The following ANKRD31 variants were observed in gnomAD, a reference collection of about 807,000 sequenced individuals.
ANKRD31 encodes ankyrin repeat domain-containing protein 31.
Under a neutral mutation model 186.0 loss-of-function variants are expected in ANKRD31, and 147 were observed. The observed-to-expected ratio is 0.79, with a 90% CI of 0.69 to 0.91. The LOEUF (loss-of-function observed/expected upper bound fraction) is 0.91. Among genes scored for constraint, ANKRD31 ranks in the 40% least tolerant of loss-of-function variants. The pLI is 0.00. For synonymous variants in ANKRD31, 673 were observed against 736.4 expected (o/e 0.91, Z 1.39); for missense variants, 1,986 against 2,148.8 (o/e 0.92, Z 1.50).
intron 3 of ANKRD31, among the ~76,000 whole-genome samples, chr5:75,220,369 G>A (rs1265609580): frequency 2.6e-5 from 4 of 152,088 alleles, no homozygotes; most frequent in Admixed American, 1.3e-4. Context: ...GGCCGGGAAC[G>A]GTGGCTCACA....
At chr5:75,127,747 T>C (rs1434935916) in intron 17 of ANKRD31, among the ~76,000 whole-genome samples, 5 of 152,224 alleles carry the variant, frequency 3.3e-5, no homozygotes, top group South Asian at 2.1e-4. Context: ...AAATACTGAG[T>C]CTTCTAGGCC....
chr5:75,175,387 A>T (rs1450812139), intron 10 of ANKRD31, among the ~76,000 whole-genome samples: 1 of 152,210 alleles, frequency 6.6e-6, no homozygotes, highest in Non-Finnish European at 1.5e-5. Flanking sequence ...TATTAAAAAA[A>T]GAATAGACTC....
chr5:75,168,382 G>A (rs1753074227), intron 11 of ANKRD31, among the ~76,000 whole-genome samples: 1 of 151,926 alleles, frequency 6.6e-6, no homozygotes, highest in Non-Finnish European at 1.5e-5. Context: ...GTTGTCCCAG[G>A]GCCAGAAAAA....
At chr5:75,155,566 C>A (rs958639765) in intron 11 of ANKRD31, among the ~76,000 whole-genome samples, 4 of 151,762 alleles carry the variant, frequency 2.6e-5, no homozygotes, top group Non-Finnish European at 4.4e-5. Flanking sequence ...TAGTATCTTA[C>A]GTGAAGTAAA....
At chr5:75,232,951 G>A (rs4627970) in intron 1 of ANKRD31, among the ~76,000 whole-genome samples, 77,323 of 151,978 alleles carry the variant, frequency 0.51, 22,713 homozygotes, top group African/African-American at 0.82. Flanking sequence ...AATAATTCTT[G>A]TCTTCCTTTA....
intron 22 of ANKRD31, among the ~76,000 whole-genome samples, chr5:75,091,968 C>T (rs543940175): frequency 2.0e-5 from 3 of 152,152 alleles, no homozygotes; most frequent in East Asian, 1.9e-4. Context: ...GAGAGGCAAA[C>T]GGAAAACACA....
At chr5:75,174,843 T>C (rs1374860621) in intron 10 of ANKRD31, among the ~76,000 whole-genome samples, 1 of 152,156 alleles carries the variant, frequency 6.6e-6, no homozygotes, top group African/African-American at 2.4e-5. Flanking sequence ...GATCTAGAAC[T>C]AGAAATACCA....
At chr5:75,195,584 G>T in intron 7 of ANKRD31, 47 bp downstream of exon 7, 1 of 1,418,036 alleles carries the variant, frequency 7.1e-7, no homozygotes, top group South Asian at 1.4e-5. Context: ...AGCTAACTTG[G>T]AACCATGTTC....
intron 10 of ANKRD31, among the ~76,000 whole-genome samples, chr5:75,186,605 A>C (rs1241014138): frequency 6.6e-6 from 1 of 152,144 alleles, no homozygotes; most frequent in African/African-American, 2.4e-5. Flanking sequence ...TTTTGGCAAA[A>C]ATTTAAAATG....
chr5:75,104,491 C>T lies in ANKRD31; in HGVS notation c.5068G>A (p.Glu1690Lys). Reference protein sequence around the residue: ...SSQQSPTGASESLAHQGIAVL... With the variant: ...SSQQSPTGASKSLAHQGIAVL... ...GCAATCCCTTGATGTGCCAGAGATT[C>T]TGATGCCCCTGTAGGTGATTGCTGG... is the stretch of plus-strand genomic sequence containing the variant. Residue 1690 changes from glutamate (E) to lysine (K), a missense_variant, in exon 22 of 26, where the codon GAA (glutamate) becomes AAA (lysine). Physicochemically the swap from Glu to Lys is moderately conservative, Grantham distance 56. Coordinates refer to ENST00000506364, the MANE Select transcript of ANKRD31 (RefSeq NM_001372053.1). The T allele has an allele frequency of 6.5e-7, 1 of 1,537,192 alleles. No homozygotes were observed. The highest frequency in any genetic ancestry group is 8.7e-7 in the Non-Finnish European group (1 of 1,146,900).
At chr5:75,214,831 T>C (rs1756866572) in intron 3 of ANKRD31, among the ~76,000 whole-genome samples, 1 of 152,202 alleles carries the variant, frequency 6.6e-6, no homozygotes, top group Non-Finnish European at 1.5e-5. Flanking sequence ...TAATCTTTAC[T>C]CCCTGTCAAC....
chr5:75,230,673 G>A (rs1367105807), intron 1 of ANKRD31, 38 bp from the exon 2 acceptor site: 3 of 1,448,278 alleles, frequency 2.1e-6, no homozygotes, highest in Non-Finnish European at 2.8e-6. Context: ...AGTTGTTAAT[G>A]TGTCTTAAAC....
chr5:75,214,131 G>A (rs918391574), intron 3 of ANKRD31, among the ~76,000 whole-genome samples: 8 of 152,296 alleles, frequency 5.3e-5, no homozygotes, highest in East Asian at 3.9e-4. Context: ...CTTTTAGAGC[G>A]TTCCCTCTGG....
In ANKRD31 at chr5:75,146,742, A is replaced by C; in HGVS notation, c.2669T>G (p.Phe890Cys). 6.5e-7 allele frequency: 1 copy of C among 1,536,342 alleles called. No homozygotes were observed. The highest frequency in any genetic ancestry group is 8.7e-7 in the Non-Finnish European group (1 of 1,146,336). Residue 890 changes from phenylalanine (F) to cysteine (C), a missense_variant, in exon 14 of 26, where the codon TTC becomes TGC. Coordinates refer to ENST00000506364, the MANE Select transcript of ANKRD31 (RefSeq NM_001372053.1). Reference sequence around the variant, plus strand: ...AGAATTTTCCTTTACAAAGGATAGGAAAGAATTTTCCCATTTGTTAAATCT... The same window carrying C: ...AGAATTTTCCTTTACAAAGGATAGGCAAGAATTTTCCCATTTGTTAAATCT... ...DERFNKWENSFLSFVKENSDN... is the reference protein window; with the variant it reads ...DERFNKWENSCLSFVKENSDN...
intron 17 of ANKRD31, among the ~76,000 whole-genome samples, chr5:75,120,908 G>C (rs4704174): frequency 6.6e-6 from 1 of 152,176 alleles, no homozygotes; most frequent in African/African-American, 2.4e-5. Context: ...AAAGATAAAG[G>C]GTGCGGTGGC....
chr5:75,230,569 C>A lies in ANKRD31; in HGVS notation c.171G>T (p.Met57Ile). 1 of 1,536,076 alleles carries A rather than the reference C, an allele frequency of 6.5e-7. No homozygotes were observed. Among genetic ancestry groups the A allele is most frequent in the African/African-American group, 1.4e-5 (1 of 73,150 alleles). ...EFSLHPDTRG[M>I]CKGMPSPEIQ... ...GAAAAGAATCATTCTCACCTTTGCA[C>A]ATTCCTCTTGTATCAGGATGCAGAC... is the stretch of plus-strand genomic sequence containing the variant. The change falls in exon 2 of 26, where the codon ATG becomes ATT. Residue 57 changes from methionine (M) to isoleucine (I), a missense_variant. By Grantham distance (10) the Met-to-Ile change is conservative. Transcript: ENST00000506364.
At chr5:75,101,496 C>A (rs1412722868) in intron 22 of ANKRD31, among the ~76,000 whole-genome samples, 1 of 152,094 alleles carries the variant, frequency 6.6e-6, no homozygotes, top group African/African-American at 2.4e-5. Context: ...GGGAAGTTCT[C>A]CTGGATAATA....
chr5:75,107,894 A>G (rs534301000), intron 20 of ANKRD31, among the ~76,000 whole-genome samples: 203 of 152,160 alleles, frequency 1.3e-3, no homozygotes, highest in Non-Finnish European at 1.9e-3. Flanking sequence ...CATGTAACTT[A>G]TATGGTTAGC....
intron 2 of ANKRD31, among the ~76,000 whole-genome samples, chr5:75,229,888 C>CAA (rs796445150): frequency 3.8e-4 from 30 of 79,694 alleles, no homozygotes; most frequent in African/African-American, 2.1e-3. Context: ...AAAAAAAAAA[C>CAA]AAAAAAAACA....
Sources: allele counts gnomAD v4.1 joint callset (sites outside exome capture counted in the v4.1 genomes callset), GRCh38; gene constraint gnomAD v4.1.1; transcripts MANE v1.5; gene names NCBI Gene and HGNC (gene_info 2026-07-23, HGNC 2026-07-21).